TMEM176A: variants seen among roughly 807,000 people sequenced by gnomAD.
TMEM176A encodes the protein hepatocellular carcinoma-associated antigen 112.
A neutral mutation model predicts 27.9 loss-of-function variants in TMEM176A; 20 were observed. That is an observed-to-expected ratio of 0.72 (90% CI 0.50 to 1.04). The LOEUF (loss-of-function observed/expected upper bound fraction) is 1.04, where lower values mean the gene tolerates loss of function less well. Ranked by LOEUF, TMEM176A falls within the 50% of genes least tolerant of loss-of-function variation. TMEM176A has a pLI of 0.00. For synonymous variants in TMEM176A, 125 were observed against 118.0 expected, an observed-to-expected ratio of 1.06 and a Z score of -0.38; for missense variants, 252 against 289.1, an observed-to-expected ratio of 0.87 and a Z score of 0.93.
At position 150,800,818 on chromosome 7, in the gene TMEM176A, G is replaced by A. The variant is rs1798753221; in HGVS notation, c.-26G>A. The A allele has an allele frequency of 1.8e-5, 12 of 661,410 alleles. 1 individual carries two copies. In the South Asian group the frequency reaches 6.1e-4, roughly 34 times the overall value. 41.0% of individuals were successfully genotyped at this position (661,410 alleles called of 1,614,324 possible). ...CTCCCGCCGCCCGCTCGCAGGTCCC[G>A]AGGAGCGCAGGTGAGGCGGCACCCC... On this transcript the variant is annotated 5_prime_UTR_variant, in exon 1 of 7. Transcript: ENST00000004103.
At chr7:150,804,643 C>A in intron 6 of TMEM176A, 171 bp downstream of exon 6, 1 of 861,354 alleles carries the variant, frequency 1.2e-6, no homozygotes, top group Non-Finnish European at 1.8e-6. Flanking sequence ...AAGCCCCTAT[C>A]CCCAACCAAG....
chr7:150,803,326 G>A (rs996728320), intron 3 of TMEM176A, 74 bp from the exon 4 acceptor site: 8 of 1,505,322 alleles, frequency 5.3e-6, no homozygotes, highest in African/African-American at 4.2e-5. Context: ...GGAAGGGCCT[G>A]CATGGAGGCT....
At chr7:150,802,099 C>CTCTTCTCTTCTCTTT in intron 2 of TMEM176A, 116 bp from the exon 3 acceptor site, 1 of 742,106 alleles carries the variant, frequency 1.3e-6, no homozygotes, top group African/African-American at 1.8e-5. Context: ...CTCTTCTCTT[C>CTCTTCTCTTCTCTTT]TCTTCTTTCT....
rs552727178 is a variant in TMEM176A, at chr7:150,803,601, C to T, written c.343-19C>T. The T allele has an allele frequency of 3.1e-6, 5 of 1,612,552 alleles. No individual in the cohort carries two copies. The South Asian group carries it at 3.3e-5, about 11-fold the overall frequency. On this transcript the variant is annotated intron_variant, in intron 4 of 6. Coordinates refer to ENST00000004103, the MANE Select transcript of TMEM176A (RefSeq NM_018487.3). The stretch of plus-strand genomic sequence containing the variant: ...GAGACTGAAACACAAAGATTTCTCT[C>T]TGCCTCCTCCCTCCCCAGGCCCTGC...
intron 3 of TMEM176A, 200 bp downstream of exon 3, chr7:150,802,525 T>G: frequency 1.5e-6 from 1 of 688,360 alleles, no homozygotes; most frequent in Non-Finnish European, 2.4e-6. Context: ...TGCTCTCCCA[T>G]ACCCTTCCCA....
intron 3 of TMEM176A, chr7:150,803,170 CTGGCT>C: frequency 7.8e-7 from 1 of 1,277,460 alleles, no homozygotes; most frequent in East Asian, 3.1e-5. Flanking sequence ...GGGCTCACAC[CTGGCT>C]TGACCACAAG....
At chr7:150,803,555 T>C (rs1378937847) in intron 4 of TMEM176A, 65 bp from the exon 5 acceptor site, 31 of 1,593,230 alleles carry the variant, frequency 1.9e-5, no homozygotes, top group South Asian at 1.4e-4. Context: ...TGCCCTTTTT[T>C]CCCCCGACTG....
In TMEM176A at chr7:150,804,344, T is replaced by G. The variant is rs1362741759; in HGVS notation, c.556-18T>G. 3 of 1,602,180 alleles carry G rather than the reference T, an allele frequency of 1.9e-6. No homozygotes were observed. Among genetic ancestry groups the G allele is most frequent in the Non-Finnish European group, 2.6e-6 (3 of 1,169,144 alleles). Reference sequence around the variant, plus strand: ...AGCTGTCATCCTGGTGCTTATGGCCTTGGCCCTCTGTCCCCAGGCCTTGTT... The same window carrying G: ...AGCTGTCATCCTGGTGCTTATGGCCGTGGCCCTCTGTCCCCAGGCCTTGTT... On this transcript the variant is annotated intron_variant, in intron 5 of 6. Coordinates refer to ENST00000004103, the MANE Select transcript of TMEM176A (RefSeq NM_018487.3).
At chr7:150,804,572 A>G in intron 6 of TMEM176A, 100 bp downstream of exon 6, 1 of 1,096,334 alleles carries the variant, frequency 9.1e-7, no homozygotes. Flanking sequence ...AAAGGGGCCC[A>G]TGACCCAAGT....
rs1365561134 is a variant in TMEM176A at position 150,804,909 on chromosome 7, C to CG, written c.*44dup. On this transcript the variant is annotated 3_prime_UTR_variant, in exon 7 of 7. Transcript: ENST00000004103. ...TTATTAGTGCCTGGTGCTTCTGCAC[C>CG]GGGCGTCCCTGCATCTGACTGCTGG... 1 of 1,607,018 alleles carries CG rather than the reference C, an allele frequency of 6.2e-7. No individual in the cohort carries two copies. Among genetic ancestry groups the CG allele is most frequent in the African/African-American group, 1.3e-5 (1 of 74,868 alleles).
At position 150,800,786 on chromosome 7, in the gene TMEM176A, C is replaced by T. The variant is rs1409106896; in HGVS notation, c.-58C>T. ...CTCAACCCACTTCTCCAGCCAGCGCCCCAGCCCTCCCGCCGCCCGCTCGCA... is the reference window on the plus strand; with the variant it reads ...CTCAACCCACTTCTCCAGCCAGCGCTCCAGCCCTCCCGCCGCCCGCTCGCA... On this transcript the variant is annotated 5_prime_UTR_variant, in exon 1 of 7. Coordinates refer to ENST00000004103, the MANE Select transcript of TMEM176A (RefSeq NM_018487.3). 7.5e-6 allele frequency: 2 copies of T among 265,116 alleles called. No homozygotes were observed. Among genetic ancestry groups the T allele is most frequent in the Non-Finnish European group, 1.2e-5 (2 of 171,984 alleles). 16.4% of individuals were successfully genotyped at this position (265,116 alleles called of 1,614,324 possible).
At chr7:150,802,096 C>CTTCTCTTCTG in intron 2 of TMEM176A, 119 bp from the exon 3 acceptor site, 1 of 729,880 alleles carries the variant, frequency 1.4e-6, no homozygotes, top group South Asian at 1.7e-5. Context: ...CTTCTCTTCT[C>CTTCTCTTCTG]TTCTCTTCTT....
In TMEM176A at chr7:150,801,643, G is replaced by C; in HGVS notation, c.93G>C (p.Lys31Asn). 1 of 1,613,388 alleles carries C rather than the reference G, an allele frequency of 6.2e-7. No individual in the cohort carries two copies. Among genetic ancestry groups the C allele is most frequent in the Non-Finnish European group, 8.5e-7 (1 of 1,179,908 alleles). The change falls in exon 2 of 7, where the codon AAG (lysine) becomes AAC (asparagine). Residue 31 changes from lysine (K) to asparagine (N), a missense_variant. Transcript: ENST00000004103. ...VHIHQESALAKLLLTCCSALR... is the reference protein window; with the variant it reads ...VHIHQESALANLLLTCCSALR... ...TCCACCAGGAGTCTGCCCTGGCCAAGCTCCTGCTCACCTGCTGCTCTGCGC... is the reference window on the plus strand; with the variant it reads ...TCCACCAGGAGTCTGCCCTGGCCAACCTCCTGCTCACCTGCTGCTCTGCGC...
chr7:150,802,625 T>G (rs1184176789), intron 3 of TMEM176A: 4 of 925,574 alleles, frequency 4.3e-6, no homozygotes, highest in Non-Finnish European at 5.6e-6. Flanking sequence ...TCCAGATACT[T>G]GCATTGAGAT....
chr7:150,802,327 T>A lies in TMEM176A; in HGVS notation c.285+2T>A. 1 of 1,613,772 alleles carries A rather than the reference T, an allele frequency of 6.2e-7. No individual in the cohort carries two copies. ...GCTGCCATCTGGACAGGGGCTGTGG[T>A]GAGTAGAGCAGGACAGTGCTTGACT... On this transcript the variant is annotated splice_donor_variant, in intron 3 of 6. Coordinates refer to ENST00000004103, the MANE Select transcript of TMEM176A (RefSeq NM_018487.3). LOFTEE classifies it high-confidence loss of function.
intron 3 of TMEM176A, 58 bp from the exon 4 acceptor site, chr7:150,803,342 G>C (rs1350963422): frequency 2.6e-6 from 4 of 1,513,754 alleles, no homozygotes; most frequent in East Asian, 2.3e-5. Context: ...AGGCTCTCTC[G>C]TGGGAGAGGA....
rs36111354 is a variant in TMEM176A at position 150,802,290 on chromosome 7, G to T, written c.250G>T (p.Val84Phe). ...FFYIRDYTLL[V>F]TSGAAIWTGA... ...CTACATCCGCGACTACACCCTCCTC[G>T]TCACCTCGGGAGCTGCCATCTGGAC... Residue 84 changes from valine to phenylalanine, a missense_variant, in exon 3 of 7, where the codon GTC becomes TTC. Transcript: ENST00000004103. The T allele has an allele frequency of 1.2e-6, 2 of 1,613,990 alleles. No homozygotes were observed. The highest frequency in any genetic ancestry group is 1.1e-5 in the South Asian group (1 of 91,068).
chr7:150,801,666 C>G lies in TMEM176A; in HGVS notation c.116C>G (p.Ala39Gly), dbSNP rs371746484. Residue 39 changes from alanine (A) to glycine (G), a missense_variant, in exon 2 of 7, where the codon GCG (alanine) becomes GGG (glycine). By Grantham distance (60) the Ala-to-Gly change is moderately conservative. Transcript: ENST00000004103. ...LAKLLLTCCS[A>G]LRPRATQARG... The stretch of plus-strand genomic sequence containing the variant: ...AAGCTCCTGCTCACCTGCTGCTCTG[C>G]GCTGCGGCCCCGGGCCACCCAGGCC... The G allele has an allele frequency of 1.2e-6, 2 of 1,610,538 alleles. No homozygotes were observed. The highest frequency in any genetic ancestry group is 2.7e-5 in the African/African-American group (2 of 74,858).
In TMEM176A at chr7:150,804,989, C is replaced by G; in HGVS notation, c.*121C>G. On this transcript the variant is annotated 3_prime_UTR_variant, in exon 7 of 7. Coordinates refer to ENST00000004103, the MANE Select transcript of TMEM176A (RefSeq NM_018487.3). ...CTTCAACAGCCCCAGTTATCCTGGC[C>G]CCATGACCGTGGCCACAGCCCTGCT... 3.7e-6 allele frequency: 4 copies of G among 1,069,602 alleles called. No homozygotes were observed. The highest frequency in any genetic ancestry group is 5.7e-6 in the Non-Finnish European group (4 of 697,228). The allele number at this position is 1,069,602 out of a possible 1,614,324, so 66.3% of individuals were successfully genotyped here. A position where few individuals can be genotyped will look rare whatever the true frequency, so the allele number is the denominator to read the frequency against.
Sources: allele counts gnomAD v4.1 joint callset, GRCh38; gene constraint gnomAD v4.1.1; transcripts MANE v1.5; gene names NCBI Gene and HGNC (gene_info 2026-07-23, HGNC 2026-07-21).